The following STK24 variants were observed in gnomAD, a reference collection of about 807,000 sequenced individuals.
STK24 encodes the protein serine/threonine-protein kinase 24.
STK24 carries 21 observed loss-of-function variants against 55.6 expected under a neutral mutation model. That is an observed-to-expected ratio of 0.38 (90% CI 0.27 to 0.54). The LOEUF is 0.54. Ranked by LOEUF, STK24 falls within the 20% of genes least tolerant of loss-of-function variation. STK24 has a pLI of 0.79. For synonymous variants in STK24, 200 were observed against 215.2 expected, an observed-to-expected ratio of 0.93 and a Z score of 0.62; for missense variants, 383 against 538.4, an observed-to-expected ratio of 0.71 and a Z score of 2.86.
chr13:98,541,792 G>A (rs1174447509), intron 1 of STK24, among the ~76,000 whole-genome samples: 1 of 152,166 alleles, frequency 6.6e-6, no homozygotes, highest in Non-Finnish European at 1.5e-5. Flanking sequence ...ATGAGGAAGT[G>A]TATTTTATCT....
chr13:98,460,171 C>T (rs1338383941), intron 9 of STK24, among the ~76,000 whole-genome samples: 3 of 151,056 alleles, frequency 2.0e-5, no homozygotes, highest in Admixed American at 6.6e-5. Flanking sequence ...TTCCAGGCTG[C>T]GGCGGAGTGG....
At chr13:98,539,077 C>A (rs1896815305) in intron 1 of STK24, among the ~76,000 whole-genome samples, 1 of 152,200 alleles carries the variant, frequency 6.6e-6, no homozygotes. Flanking sequence ...AGAGCACCCG[C>A]TGTTTCCATC....
chr13:98,479,359 A>G (rs1894502800), intron 3 of STK24, among the ~76,000 whole-genome samples: 1 of 152,076 alleles, frequency 6.6e-6, no homozygotes, highest in South Asian at 2.1e-4. Context: ...ATGTGTACCT[A>G]TTTTCTATTT....
At chr13:98,472,064 AGCCACTGGAG>A (rs953385239) in intron 5 of STK24, among the ~76,000 whole-genome samples, 5 of 152,212 alleles carry the variant, frequency 3.3e-5, no homozygotes, top group African/African-American at 1.2e-4. Flanking sequence ...CAGGCAAGCC[AGCCACTGGAG>A]GGACACACAC....
At chr13:98,570,655 C>T (rs1317679909) in intron 1 of STK24, among the ~76,000 whole-genome samples, 1 of 152,164 alleles carries the variant, frequency 6.6e-6, no homozygotes, top group Non-Finnish European at 1.5e-5. Context: ...TGACTGGTAA[C>T]CACCAATTTG....
At chr13:98,546,687 T>C (rs1487198448) in intron 1 of STK24, among the ~76,000 whole-genome samples, 1 of 152,092 alleles carries the variant, frequency 6.6e-6, no homozygotes, top group Non-Finnish European at 1.5e-5. Flanking sequence ...GCAGCCCCTA[T>C]CACGGAAAGT....
chr13:98,503,257 G>A lies in STK24; in HGVS notation c.273+15986C>T, dbSNP rs118047206. On this transcript the variant is annotated intron_variant, in intron 2 of 10. Transcript: ENST00000539966. The stretch of plus-strand genomic sequence containing the variant: ...CACTTATATGCACTCAAAGATGGCT[G>A]CAGAAAGTCAGAGACTAAGAATGTG... 1.1e-3 allele frequency among the ~76,000 whole-genome samples: 163 copies of A among 152,228 alleles called. 3 individuals are homozygous for A. In the East Asian group the frequency reaches 0.014, roughly 14 times the overall value.
chr13:98,446,825 C>G lies in STK24; in HGVS notation c.*6348G>C. 1 of 1,613,854 alleles carries G rather than the reference C, an allele frequency of 6.2e-7. No homozygotes were observed. Among genetic ancestry groups the G allele is most frequent in the Non-Finnish European group, 8.5e-7 (1 of 1,179,848 alleles). ...CGAGTACACGTTCGAAAGGTAGACACCCCCTTCCCACGCACAGGGCCCTGC... is the reference window on the plus strand; with the variant it reads ...CGAGTACACGTTCGAAAGGTAGACAGCCCCTTCCCACGCACAGGGCCCTGC... On this transcript the variant is annotated 3_prime_UTR_variant, in exon 11 of 11. Coordinates refer to ENST00000539966, the MANE Select transcript of STK24 (RefSeq NM_001032296.4).
intron 5 of STK24, among the ~76,000 whole-genome samples, chr13:98,472,005 T>A (rs1435146056): frequency 6.6e-6 from 1 of 152,128 alleles, no homozygotes; most frequent in African/African-American, 2.4e-5. Flanking sequence ...GAGTGAGCCA[T>A]GAGACCAGAG....
At chr13:98,472,521 CTTAT>C (rs1040438021) in intron 5 of STK24, among the ~76,000 whole-genome samples, 2 of 152,170 alleles carry the variant, frequency 1.3e-5, no homozygotes, top group Non-Finnish European at 2.9e-5. Context: ...TCTGAAACTG[CTTAT>C]TTATTGTTTC....
At position 98,448,444 on chromosome 13, in the gene STK24, C is replaced by G; in HGVS notation, c.*4729G>C. On this transcript the variant is annotated 3_prime_UTR_variant, in exon 11 of 11. Transcript: ENST00000539966. ...AAAAACATGGCTTCCCAGCAGCTCT[C>G]CTGTCTCCACAGCCGCGTTTTTTAA... The G allele has an allele frequency of 1.3e-6, 1 of 772,376 alleles. No homozygotes were observed. Among genetic ancestry groups the G allele is most frequent in the Non-Finnish European group, 2.2e-6 (1 of 452,442 alleles). The allele number at this position is 772,376 out of a possible 1,614,324, so 47.8% of individuals were successfully genotyped here. A position where few individuals can be genotyped will look rare whatever the true frequency, so the allele number is the denominator to read the frequency against.
intron 2 of STK24, among the ~76,000 whole-genome samples, chr13:98,508,505 C>G (rs1329557066): frequency 1.3e-5 from 2 of 152,194 alleles, no homozygotes; most frequent in Non-Finnish European, 2.9e-5. Context: ...GCAACTTACA[C>G]CACAAGCCCC....
intron 3 of STK24, 47 bp from the exon 4 acceptor site, chr13:98,475,405 T>C (rs1423841724): frequency 1.5e-6 from 2 of 1,354,586 alleles, no homozygotes; most frequent in Admixed American, 2.0e-5. Flanking sequence ...GATTATCTTA[T>C]GAAAAGTTTG....
At chr13:98,538,222 C>CTTTTTTTTTTTTTT (rs55720452) in intron 1 of STK24, among the ~76,000 whole-genome samples, 2 of 91,634 alleles carry the variant, frequency 2.2e-5, no homozygotes, top group Non-Finnish European at 4.1e-5. Flanking sequence ...TTGGTGCTTG[C>CTTTTTTTTTTTTTT]TTTTTTTTTT....
In STK24 at chr13:98,475,146, C is replaced by A. The variant is rs969150445; in HGVS notation, c.439+104G>T. ...GCCAGCCCAGCCCAGGCAAGGCAAA[C>A]GTGCAGGACAAATGGGCGCCAGCAC... On this transcript the variant is annotated intron_variant, in intron 4 of 10. Transcript: ENST00000539966. The A allele has an allele frequency of 7.9e-6, 11 of 1,386,036 alleles. No homozygotes were observed. The Admixed American group carries it at 2.4e-4, about 31-fold the overall frequency. 85.9% of individuals were successfully genotyped at this position (1,386,036 alleles called of 1,614,324 possible). A position where few individuals can be genotyped will look rare whatever the true frequency, so the allele number is the denominator to read the frequency against.
chr13:98,534,305 G>A (rs1010617515), intron 1 of STK24, among the ~76,000 whole-genome samples: 5 of 152,204 alleles, frequency 3.3e-5, no homozygotes, highest in African/African-American at 9.6e-5. Flanking sequence ...GTGAGAAAAT[G>A]ATGACAGTGA....
At chr13:98,462,824 C>CG (rs1412440927) in intron 7 of STK24, among the ~76,000 whole-genome samples, 1 of 152,182 alleles carries the variant, frequency 6.6e-6, no homozygotes, top group Non-Finnish European at 1.5e-5. Flanking sequence ...CCTGGTGCCA[C>CG]GCTGCCCCAG....
In STK24 at chr13:98,446,068, G is replaced by A; in HGVS notation, c.*7105C>T. On this transcript the variant is annotated 3_prime_UTR_variant, in exon 11 of 11. Coordinates refer to ENST00000539966, the MANE Select transcript of STK24 (RefSeq NM_001032296.4). ...TGCCCTCCTGGGGCAGGTGCCCGCT[G>A]TGCTTCTCACAGGCCTCCTTGCCTT... 6.7e-7 allele frequency: 1 copy of A among 1,503,382 alleles called. No homozygotes were observed. The highest frequency in any genetic ancestry group is 9.3e-7 in the Non-Finnish European group (1 of 1,079,498). The allele number at this position is 1,503,382 out of a possible 1,614,324, so 93.1% of individuals were successfully genotyped here. A position where few individuals can be genotyped will look rare whatever the true frequency, so the allele number is the denominator to read the frequency against.
intron 10 of STK24, 93 bp downstream of exon 10, chr13:98,457,075 C>G: frequency 6.8e-7 from 1 of 1,465,988 alleles, no homozygotes; most frequent in East Asian, 2.4e-5. Flanking sequence ...CAGGAACAGA[C>G]AGGCCAAGAA....
Sources: allele counts gnomAD v4.1 joint callset (sites outside exome capture counted in the v4.1 genomes callset), GRCh38; gene constraint gnomAD v4.1.1; transcripts MANE v1.5; gene names NCBI Gene and HGNC (gene_info 2026-07-23, HGNC 2026-07-21).